The following DDX41 variants were observed in gnomAD, a reference collection of about 807,000 sequenced individuals.
DDX41 encodes the protein probable ATP-dependent RNA helicase DDX41.
In DDX41, 50 loss-of-function variants were observed where a neutral mutation model predicts 78.8. That is an observed-to-expected ratio of 0.63 (90% CI 0.51 to 0.80). The LOEUF is 0.80. DDX41 is among the 30% of genes least tolerant of loss of function. DDX41 has a pLI of 0.00. For missense variants in DDX41, 633 were observed against 849.2 expected (o/e 0.75, Z 3.16); for synonymous variants, 381 against 321.5 (o/e 1.19, Z -1.98).
intron 4 of DDX41, 52 bp from the exon 5 acceptor site, chr5:177,516,041 T>C (rs1386660905): frequency 6.2e-7 from 1 of 1,613,984 alleles, no homozygotes; most frequent in Non-Finnish European, 8.5e-7. Context: ...AGAAGCCAGA[T>C]CCCTTGAGAT....
In DDX41 at chr5:177,516,424, T is replaced by A. The variant is rs1364366603; in HGVS notation, c.162A>T (p.Arg54Ser). ...QLLLQKLLQR[R>S]RKGAAEEEQQ... ...GCTCTTCCTCCGCAGCTCCCTTGCG[T>A]CTTCGCTGCAGCAGCTTCTGGAGCT... The change falls in exon 3 of 17, where the codon AGA becomes AGT. Residue 54 changes from arginine (R) to serine (S), a missense_variant. Transcript: ENST00000330503. The A allele has an allele frequency of 6.2e-7, 1 of 1,613,750 alleles. No homozygotes were observed. Among genetic ancestry groups the A allele is most frequent in the Non-Finnish European group, 8.5e-7 (1 of 1,180,020 alleles).
At chr5:177,515,117 G>A in intron 7 of DDX41, 48 bp from the exon 8 acceptor site, 2 of 1,612,244 alleles carry the variant, frequency 1.2e-6, no homozygotes, top group Non-Finnish European at 1.7e-6. Flanking sequence ...GAAGATGAAG[G>A]ACACCTAGCC....
At position 177,512,517 on chromosome 5, in the gene DDX41, G is replaced by A. The variant is rs199756165; in HGVS notation, c.1528C>T (p.Pro510Ser). The change falls in exon 14 of 17, where the codon CCA becomes TCA. Residue 510 changes from proline to serine, a missense_variant. Physicochemically the swap from Pro to Ser is moderately conservative, Grantham distance 74 (BLOSUM62 -1). Coordinates refer to ENST00000330503, the MANE Select transcript of DDX41 (RefSeq NM_016222.4). ...AIQHVINYDM[P>S]EEIENYVHRI... is the part of the protein sequence containing the mutation. ...TTACCATAGTTCTCAATCTCCTCTG[G>A]CATGTCATAATTGATGACGTGCTGG... 6.8e-5 allele frequency: 109 copies of A among 1,614,016 alleles called. 2 individuals are homozygous for A. Among genetic ancestry groups the A allele is most frequent in the Non-Finnish European group, 8.1e-5 (96 of 1,180,014 alleles).
rs1053703323 is a variant in DDX41 at position 177,511,640 on chromosome 5, A to G, written c.*151T>C. On this transcript the variant is annotated 3_prime_UTR_variant, in exon 17 of 17. Coordinates refer to ENST00000330503, the MANE Select transcript of DDX41 (RefSeq NM_016222.4). ...AAGGAAACAAAAACAGTAATTCTGA[A>G]GAGCACAGGGAACAGGCAGCCAGGA... is the stretch of plus-strand genomic sequence containing the variant. The G allele has an allele frequency of 6.7e-6, 7 of 1,041,008 alleles. No homozygotes were observed. In the African/African-American group the frequency reaches 1.1e-4, roughly 17 times the overall value. The allele number at this position is 1,041,008 out of a possible 1,614,324, so 64.5% of individuals were successfully genotyped here.
At position 177,511,652 on chromosome 5, in the gene DDX41, AC is replaced by A. The variant is rs1760942280; in HGVS notation, c.*138del. ...ACAGTAATTCTGAAGAGCACAGGGA[AC>A]AGGCAGCCAGGACCAGCCTGGCCCA... is the stretch of plus-strand genomic sequence containing the variant. On this transcript the variant is annotated 3_prime_UTR_variant, in exon 17 of 17. Transcript: ENST00000330503. 8.7e-7 allele frequency: 1 copy of A among 1,153,778 alleles called. No homozygotes were observed. The highest frequency in any genetic ancestry group is 1.5e-5 in the African/African-American group (1 of 64,960). 71.5% of individuals were successfully genotyped at this position (1,153,778 alleles called of 1,614,324 possible).
rs1221539948 is a variant in DDX41, at chr5:177,513,873, G to C, written c.936-26C>G. 3 of 1,611,222 alleles carry C rather than the reference G, an allele frequency of 1.9e-6. No individual in the cohort carries two copies. Among genetic ancestry groups the C allele is most frequent in the Non-Finnish European group, 2.5e-6 (3 of 1,178,464 alleles). ...CTGGGGACCAAGGAGAGACCCTGAG[G>C]TTGGGGCCACTGGCCTATCACCTAT... is the stretch of plus-strand genomic sequence containing the variant. On this transcript the variant is annotated intron_variant, in intron 9 of 16. Coordinates refer to ENST00000330503, the MANE Select transcript of DDX41 (RefSeq NM_016222.4). The surrounding 1 kb of genome is among the most constrained non-coding windows in gnomAD (Gnocchi z 4.6).
chr5:177,512,951 C>T, intron 12 of DDX41, 60 bp downstream of exon 12: 4 of 1,608,758 alleles, frequency 2.5e-6, no homozygotes, highest in Non-Finnish European at 3.4e-6. Context: ...CACTCTGTCC[C>T]CTCCAAAGCC....
Position 177,516,354 on chromosome 5 carries a change from G to A in DDX41, c.232C>T (p.Pro78Ser). Residue 78 changes from proline (P) to serine (S), a missense_variant, in exon 3 of 17, where the codon CCG (proline) becomes TCG (serine). Physicochemically the swap from Pro to Ser is moderately conservative, Grantham distance 74. Coordinates refer to ENST00000330503, the MANE Select transcript of DDX41 (RefSeq NM_016222.4). ...SEPRGDEDDI[P>S]LGPQSNVSLL... ...CTGACGTTGGACTGAGGGCCTAGCG[G>A]GATGTCGTCCTCATCTCCCCGGGGT... The A allele has an allele frequency of 6.2e-7, 1 of 1,614,108 alleles. No individual in the cohort carries two copies. The highest frequency in any genetic ancestry group is 8.5e-7 in the Non-Finnish European group (1 of 1,180,038).
chr5:177,513,005 A>G lies in DDX41; in HGVS notation c.1302+6T>C, dbSNP rs1427558952. 1.2e-6 allele frequency: 2 copies of G among 1,613,664 alleles called. No individual in the cohort carries two copies. The highest frequency in any genetic ancestry group is 4.5e-5 in the East Asian group (2 of 44,874). On this transcript the variant is annotated splice_donor_region_variant and intron_variant, in intron 12 of 16. Transcript: ENST00000330503. The surrounding 1 kb of genome is among the most constrained non-coding windows in gnomAD (Gnocchi z 4.6). Reference sequence around the variant, plus strand: ...TCTGGCCCCGGCCTGGCCTGGCTGCACTCACAGGCGGGGGTGTCTTCTGCA... The same window carrying G: ...TCTGGCCCCGGCCTGGCCTGGCTGCGCTCACAGGCGGGGGTGTCTTCTGCA...
rs986985276 is a variant in DDX41 at position 177,515,674 on chromosome 5, C to T, written c.571+11G>A. ...ATAAAAGTGTGGTATCTCTCTCCAG[C>T]CCCTGACTACCTGCAGGAAACTTCA... On this transcript the variant is annotated intron_variant, in intron 6 of 16. Coordinates refer to ENST00000330503, the MANE Select transcript of DDX41 (RefSeq NM_016222.4). The T allele has an allele frequency of 1.2e-6, 2 of 1,613,678 alleles. No individual in the cohort carries two copies. The highest frequency in any genetic ancestry group is 1.7e-6 in the Non-Finnish European group (2 of 1,179,786).
intron 6 of DDX41, 89 bp from the exon 7 acceptor site, chr5:177,515,347 T>TTTCATCATC: frequency 7.9e-7 from 1 of 1,270,606 alleles, no homozygotes; most frequent in Non-Finnish European, 1.1e-6. Flanking sequence ...CCCCTACAAG[T>TTTCATCATC]TGCAGATGAT....
chr5:177,515,597 G>A, intron 6 of DDX41, 88 bp downstream of exon 6: 10 of 1,515,552 alleles, frequency 6.6e-6, no homozygotes, highest in Non-Finnish European at 9.0e-6. Flanking sequence ...ATCCAATGCA[G>A]ATGTGGCTGA....
chr5:177,514,384 C>T lies in DDX41; in HGVS notation c.935+317G>A, dbSNP rs763761798. ...ATGACCCTGACCTTCCTGGGCCGTC[C>T]GCCTCTGTGCTTTCAGCCTGGACTG... On this transcript the variant is annotated intron_variant, in intron 9 of 16. Coordinates refer to ENST00000330503, the MANE Select transcript of DDX41 (RefSeq NM_016222.4). This position sits in a 1 kb window ranked among gnomAD's most constrained non-coding sequence, Gnocchi z 4.2. 1.1e-4 allele frequency: 50 copies of T among 474,072 alleles called. No individual in the cohort carries two copies. The highest frequency in any genetic ancestry group is 5.6e-4 in the Middle Eastern group (1 of 1,794). 29.4% of individuals were successfully genotyped at this position (474,072 alleles called of 1,614,324 possible).
At chr5:177,515,292 C>T in intron 6 of DDX41, 34 bp from the exon 7 acceptor site, 1 of 1,611,044 alleles carries the variant, frequency 6.2e-7, no homozygotes, top group Non-Finnish European at 8.5e-7. Context: ...CTTCATGACT[C>T]ACAGGTACTT....
In DDX41 at chr5:177,516,758, G is replaced by T. The variant is rs1344271042; in HGVS notation, c.105C>A (p.Pro35=). The change falls in exon 2 of 17, where the codon CCC becomes CCA. Residue 35 remains proline, a synonymous_variant. Coordinates refer to ENST00000330503, the MANE Select transcript of DDX41 (RefSeq NM_016222.4). Reference sequence around the variant, plus strand: ...GCCGGCGCTGCCGTAACGGCACATAGGGCACGTAGTCCTCGTCGTCCTCAT... The same window carrying T: ...GCCGGCGCTGCCGTAACGGCACATATGGCACGTAGTCCTCGTCGTCCTCAT... ...AEDEDDEDYV[P]YVPLRQRRQL... is the part of the protein sequence containing the mutation. 6.2e-7 allele frequency: 1 copy of T among 1,611,094 alleles called. No homozygotes were observed. The highest frequency in any genetic ancestry group is 8.5e-7 in the Non-Finnish European group (1 of 1,179,158).
rs1347435356 is a variant in DDX41, at chr5:177,513,392, A to G, written c.1191T>C (p.Asn397=). The G allele has an allele frequency of 1.2e-6, 2 of 1,614,062 alleles. No individual in the cohort carries two copies. The highest frequency in any genetic ancestry group is 1.1e-5 in the South Asian group (1 of 91,076). The part of the protein sequence containing the change: ...KSALVKPVTI[N]VGRAGAASLD... ...GGCTGGCAGCCCCAGCGCGCCCCAC[A>G]TTGATGGTCACAGGCTTTACAAGGG... Residue 397 remains asparagine, a synonymous_variant, in exon 11 of 17, where the codon AAT becomes AAC. Transcript: ENST00000330503. The surrounding 1 kb of genome is among the most constrained non-coding windows in gnomAD (Gnocchi z 4.6).
At position 177,511,828 on chromosome 5, in the gene DDX41, C is replaced by A; in HGVS notation, c.1832G>T (p.Arg611Leu). ...GGAGCTGTGGGCCAGGTAGTCCTTG[C>A]GACCGATGTTGCTGACCTGCTTGGT... is the stretch of plus-strand genomic sequence containing the variant. ...MQTKQVSNIGRKDYLAHSSMD... is the reference protein window; with the variant it reads ...MQTKQVSNIGLKDYLAHSSMD... Residue 611 changes from arginine (R) to leucine (L), a missense_variant, in exon 17 of 17, where the codon CGC (arginine) becomes CTC (leucine). Arg to Leu is a moderately radical substitution (Grantham distance 102). This residue lies in a region of DDX41 where 185 missense variants were observed against 367.4 expected (regional missense o/e 0.50). Coordinates refer to ENST00000330503, the MANE Select transcript of DDX41 (RefSeq NM_016222.4). The A allele has an allele frequency of 6.2e-7, 1 of 1,614,134 alleles. No homozygotes were observed. Among genetic ancestry groups the A allele is most frequent in the Non-Finnish European group, 8.5e-7 (1 of 1,180,022 alleles).
intron 1 of DDX41, 25 bp from the exon 2 acceptor site, chr5:177,516,860 CG>C (rs779701283): frequency 6.2e-7 from 1 of 1,613,166 alleles, no homozygotes; most frequent in Non-Finnish European, 8.5e-7. Context: ...CAGTCAGGCA[CG>C]GCCTGCTCCC....
In DDX41 at chr5:177,513,270, C is replaced by A; in HGVS notation, c.1230+83G>T. 1 of 1,593,094 alleles carries A rather than the reference C, an allele frequency of 6.3e-7. No homozygotes were observed. Among genetic ancestry groups the A allele is most frequent in the Non-Finnish European group, 8.6e-7 (1 of 1,167,486 alleles). On this transcript the variant is annotated intron_variant, in intron 11 of 16. Transcript: ENST00000330503. The surrounding 1 kb of genome is among the most constrained non-coding windows in gnomAD (Gnocchi z 4.6). ...AACCCCCGGTTCCCACAAGGTGGAC[C>A]CCCGGCTCCAATCAGCTTCAGGGAG...
Sources: allele counts gnomAD v4.1 joint callset, GRCh38; gene constraint gnomAD v4.1.1; regional missense constraint gnomAD v4.1.1; non-coding constraint Gnocchi (gnomAD v3.1); transcripts MANE v1.5; gene names NCBI Gene and HGNC (gene_info 2026-07-23, HGNC 2026-07-21).